Variants in DOK6 observed in about 807,000 individuals in gnomAD.
DOK6 encodes docking protein 6.
Under a neutral mutation model 44.0 loss-of-function variants are expected in DOK6, and 22 were observed. That is an observed-to-expected ratio of 0.50 (90% CI 0.36 to 0.71). The LOEUF is 0.71. Ranked by LOEUF, DOK6 falls within the 30% of genes least tolerant of loss-of-function variation. The pLI is 0.00. For missense variants in DOK6, 340 were observed against 416.4 expected, an observed-to-expected ratio of 0.82 and a Z score of 1.60; for synonymous variants, 166 against 145.5, an observed-to-expected ratio of 1.14 and a Z score of -1.01.
intron 7 of DOK6, among the ~76,000 whole-genome samples, chr18:69,778,956 T>A (rs892168573): frequency 2.6e-5 from 4 of 152,128 alleles, no homozygotes; most frequent in Non-Finnish European, 5.9e-5. Context: ...GTTAGAAGAA[T>A]TTTACCGGCT....
chr18:69,540,364 C>T (rs770738678), intron 1 of DOK6, among the ~76,000 whole-genome samples: 1 of 152,092 alleles, frequency 6.6e-6, no homozygotes, highest in Non-Finnish European at 1.5e-5. Context: ...TATTTGGTCT[C>T]CCCCACCATT....
intron 1 of DOK6, among the ~76,000 whole-genome samples, chr18:69,476,458 G>T (rs12968648): frequency 3.3e-5 from 5 of 151,690 alleles, no homozygotes; most frequent in African/African-American, 7.3e-5. Flanking sequence ...GGAAGGCACG[G>T]GTAATCGTCA....
At chr18:69,743,152 T>C (rs1355615221) in intron 6 of DOK6, among the ~76,000 whole-genome samples, 2 of 152,216 alleles carry the variant, frequency 1.3e-5, no homozygotes, top group African/African-American at 4.8e-5. Context: ...TGAAGATACA[T>C]GGGAGAATTA....
intron 1 of DOK6, among the ~76,000 whole-genome samples, chr18:69,476,259 T>C (rs1980258643): frequency 6.6e-6 from 1 of 152,210 alleles, no homozygotes; most frequent in Non-Finnish European, 1.5e-5. Context: ...CCCTAGGATA[T>C]AAGAATAGGT....
chr18:69,478,119 A>G (rs1467646031), intron 1 of DOK6, among the ~76,000 whole-genome samples: 1 of 152,226 alleles, frequency 6.6e-6, no homozygotes, highest in Non-Finnish European at 1.5e-5. Flanking sequence ...TTCACAAAAT[A>G]CTTAAATACG....
At chr18:69,783,992 C>T (rs916454085) in intron 7 of DOK6, among the ~76,000 whole-genome samples, 6 of 152,146 alleles carry the variant, frequency 3.9e-5, no homozygotes, top group African/African-American at 9.6e-5. Flanking sequence ...CCATGAGTTT[C>T]GAACCAACCT....
chr18:69,816,489 T>C (rs1981402480), intron 7 of DOK6, among the ~76,000 whole-genome samples: 1 of 152,204 alleles, frequency 6.6e-6, no homozygotes, highest in South Asian at 2.1e-4. Context: ...AAAGAGACTA[T>C]GTTTTCAGAC....
chr18:69,777,062 C>T (rs1170081063), intron 7 of DOK6, among the ~76,000 whole-genome samples: 1 of 150,856 alleles, frequency 6.6e-6, no homozygotes, highest in African/African-American at 2.4e-5. Flanking sequence ...TTAATGGGTG[C>T]AGCACACCAG....
intron 1 of DOK6, among the ~76,000 whole-genome samples, chr18:69,478,255 T>G (rs1301399468): frequency 6.6e-6 from 1 of 152,182 alleles, no homozygotes; most frequent in Non-Finnish European, 1.5e-5. Flanking sequence ...ATTAGCAGTC[T>G]TATTTTAGCA....
At chr18:69,699,595 A>G (rs189048357) in intron 5 of DOK6, among the ~76,000 whole-genome samples, 44 of 152,300 alleles carry the variant, frequency 2.9e-4, no homozygotes, top group African/African-American at 1.0e-3. Context: ...TCCTGTGTTT[A>G]CTTAGTAGTT....
At chr18:69,573,729 T>TAGAA (rs1983172999) in intron 2 of DOK6, among the ~76,000 whole-genome samples, 1 of 152,022 alleles carries the variant, frequency 6.6e-6, no homozygotes, top group Non-Finnish European at 1.5e-5. Context: ...GTATCAACCT[T>TAGAA]ACTATGTCTC....
At chr18:69,587,610 T>C (rs1983533326) in intron 2 of DOK6, among the ~76,000 whole-genome samples, 1 of 152,192 alleles carries the variant, frequency 6.6e-6, no homozygotes, top group African/African-American at 2.4e-5. Context: ...TTTAAGTTTG[T>C]CCATCTGCTA....
At chr18:69,587,800 G>GT (rs1223184380) in intron 2 of DOK6, among the ~76,000 whole-genome samples, 1 of 64,794 alleles carries the variant, frequency 1.5e-5, no homozygotes, top group Non-Finnish European at 3.9e-5. Flanking sequence ...CACACGAGAA[G>GT]TAAGTGCCAA....
chr18:69,820,608 A>G (rs1292226450), intron 7 of DOK6, among the ~76,000 whole-genome samples: 1 of 152,178 alleles, frequency 6.6e-6, no homozygotes, highest in African/African-American at 2.4e-5. Flanking sequence ...GCAATAAGAA[A>G]ATATCATCAG....
intron 4 of DOK6, among the ~76,000 whole-genome samples, chr18:69,683,558 A>T (rs566730521): frequency 6.6e-6 from 1 of 152,364 alleles, no homozygotes; most frequent in Admixed American, 6.5e-5. Flanking sequence ...GAAGATGGCC[A>T]TGTGGCTGGA....
At position 69,679,926 on chromosome 18, in the gene DOK6, T is replaced by C. The variant is rs532553707; in HGVS notation, c.409+2073T>C. 9.9e-5 allele frequency among the ~76,000 whole-genome samples: 15 copies of C among 151,712 alleles called. No homozygotes were observed. In the South Asian group the frequency reaches 3.1e-3, roughly 32 times the overall value. On this transcript the variant is annotated intron_variant, in intron 4 of 7. Transcript: ENST00000382713. Reference sequence around the variant, plus strand: ...CCAAAGCTACATAAAAAGCAGAAGGTGACTTTAAAACACATACACACACAC... The same window carrying C: ...CCAAAGCTACATAAAAAGCAGAAGGCGACTTTAAAACACATACACACACAC...
At chr18:69,475,621 T>A (rs17184557) in intron 1 of DOK6, among the ~76,000 whole-genome samples, 28,187 of 152,166 alleles carry the variant, frequency 0.19, 3,122 homozygotes, top group Non-Finnish European at 0.23. Context: ...AAGAAAGCTC[T>A]ATTTTTACTG....
chr18:69,505,555 T>C (rs945913866), intron 1 of DOK6, among the ~76,000 whole-genome samples: 5 of 135,950 alleles, frequency 3.7e-5, no homozygotes, highest in African/African-American at 1.1e-4. Context: ...TGGAGTGCAA[T>C]GGTGTAATCT....
At chr18:69,472,581 G>A (rs1057329835) in intron 1 of DOK6, among the ~76,000 whole-genome samples, 5 of 152,142 alleles carry the variant, frequency 3.3e-5, no homozygotes, top group African/African-American at 7.2e-5. Context: ...GACGCCCACA[G>A]GAGAGGAAGT....
Sources: allele counts gnomAD v4.1 joint callset (sites outside exome capture counted in the v4.1 genomes callset), GRCh38; gene constraint gnomAD v4.1.1; transcripts MANE v1.5; gene names NCBI Gene and HGNC (gene_info 2026-07-23, HGNC 2026-07-21).